The following EXOSC7 variants were observed in gnomAD, a reference collection of about 807,000 sequenced individuals.
EXOSC7 encodes exosome component 7, also known as exosome complex component RRP42.
A neutral mutation model predicts 34.3 loss-of-function variants in EXOSC7; 25 were observed. The observed-to-expected ratio is 0.73, with a 90% CI of 0.53 to 1.02. EXOSC7 has a LOEUF of 1.02. Ranked by LOEUF, EXOSC7 falls within the 50% of genes least tolerant of loss-of-function variation. The pLI is 0.00. For missense variants in EXOSC7, 370 were observed against 368.5 expected (o/e 1.00, Z -0.03); for synonymous variants, 130 against 143.0 (o/e 0.91, Z 0.65).
chr3:45,009,587 C>T (rs150806116), intron 7 of EXOSC7, among the ~76,000 whole-genome samples: 3,218 of 151,466 alleles, frequency 0.021, 65 homozygotes, highest in Middle Eastern at 0.075. Flanking sequence ...CTCACACTAT[C>T]GCCCAGGCTG....
At chr3:44,983,943 T>C (rs1447710355) in intron 1 of EXOSC7, among the ~76,000 whole-genome samples, 2 of 152,162 alleles carry the variant, frequency 1.3e-5, no homozygotes, top group African/African-American at 2.4e-5. Flanking sequence ...CCTCCTATCC[T>C]TTTTTTATAT....
intron 1 of EXOSC7, among the ~76,000 whole-genome samples, chr3:44,980,724 C>T (rs1706248999): frequency 6.6e-6 from 1 of 152,202 alleles, no homozygotes; most frequent in Non-Finnish European, 1.5e-5. Flanking sequence ...AGAGAAAGTT[C>T]TAATTGACAC....
At chr3:44,989,693 T>C (rs1335293551) in intron 3 of EXOSC7, 49 bp downstream of exon 3, 2 of 1,431,112 alleles carry the variant, frequency 1.4e-6, no homozygotes, top group Non-Finnish European at 1.9e-6. Context: ...ATTTTAAAGA[T>C]GAAGATTCAG....
intron 1 of EXOSC7, among the ~76,000 whole-genome samples, chr3:44,979,225 C>T (rs1035394561): frequency 2.0e-5 from 3 of 152,208 alleles, no homozygotes; most frequent in Non-Finnish European, 2.9e-5. Flanking sequence ...TCAACTGATT[C>T]AGTTCTGAAA....
intron 1 of EXOSC7, among the ~76,000 whole-genome samples, chr3:44,987,716 G>A (rs1415695515): frequency 6.6e-6 from 1 of 152,248 alleles, no homozygotes; most frequent in Non-Finnish European, 1.5e-5. Flanking sequence ...CACAAATACT[G>A]TGTGCTATTA....
At chr3:44,989,718 G>C in intron 3 of EXOSC7, 74 bp downstream of exon 3, 1 of 1,241,530 alleles carries the variant, frequency 8.1e-7, no homozygotes, top group Non-Finnish European at 1.1e-6. Flanking sequence ...TGAACCTCTG[G>C]TTTGCTGTTG....
At position 44,989,172 on chromosome 3, in the gene EXOSC7, G is replaced by C. The variant is rs1255259589; in HGVS notation, c.90G>C (p.Glu30Asp). Residue 30 changes from glutamate to aspartate, a missense_variant, in exon 2 of 8, where the codon GAG (glutamate) becomes GAC (aspartate). Around this residue, in one of 3 missense-constraint regions of EXOSC7, gnomAD observed 95 missense variants for 79.8 expected, o/e 1.19. Transcript: ENST00000265564. ...TCCGTGTGGATGGCCGTGGCTGTGA[G>C]GACTACCGATGTGTCGAAGTGGAAA... ...EDLRVDGRGC[E>D]DYRCVEVETD... is the part of the protein sequence containing the mutation. 6.2e-7 allele frequency: 1 copy of C among 1,614,008 alleles called. No individual in the cohort carries two copies. Among genetic ancestry groups the C allele is most frequent in the Non-Finnish European group, 8.5e-7 (1 of 1,180,018 alleles).
chr3:44,988,409 G>A (rs917016564), intron 1 of EXOSC7, among the ~76,000 whole-genome samples: 13 of 152,196 alleles, frequency 8.5e-5, no homozygotes, highest in Admixed American at 4.6e-4. Flanking sequence ...CAGGCAGCGC[G>A]TAGACCACCC....
chr3:45,001,472 G>A lies in EXOSC7; in HGVS notation c.421-66G>A, dbSNP rs1706876785. ...AAAAAAAAGCAGTGTCCTTTAACTG[G>A]GGTAATACCTAAAGTAATAAGTGAT... On this transcript the variant is annotated intron_variant, in intron 4 of 7. Coordinates refer to ENST00000265564, the MANE Select transcript of EXOSC7 (RefSeq NM_015004.4). The A allele has an allele frequency of 3.4e-6, 4 of 1,182,752 alleles. No homozygotes were observed. In the Admixed American group the frequency reaches 5.2e-5, roughly 15 times the overall value. 73.3% of individuals were successfully genotyped at this position (1,182,752 alleles called of 1,614,324 possible).
At chr3:45,010,291 A>G (rs7619693) in intron 7 of EXOSC7, among the ~76,000 whole-genome samples, 182 of 152,314 alleles carry the variant, frequency 1.2e-3, no homozygotes, top group African/African-American at 4.0e-3. Flanking sequence ...TCTGTTATCC[A>G]GGCTGGAGTA....
chr3:45,006,395 T>G (rs569279265), intron 6 of EXOSC7, among the ~76,000 whole-genome samples: 63 of 140,764 alleles, frequency 4.5e-4, no homozygotes, highest in Non-Finnish European at 7.3e-4. Context: ...TCTTTCTTGT[T>G]GTTTATTTGT....
chr3:44,991,892 C>T (rs772197012), intron 3 of EXOSC7, among the ~76,000 whole-genome samples: 1 of 152,112 alleles, frequency 6.6e-6, no homozygotes, highest in Non-Finnish European at 1.5e-5. Flanking sequence ...CAAAGTGGCA[C>T]ACTTTACCTT....
At chr3:45,005,134 G>A in intron 5 of EXOSC7, 157 bp from the exon 6 acceptor site, 2 of 795,322 alleles carry the variant, frequency 2.5e-6, no homozygotes, top group Non-Finnish European at 4.0e-6. Context: ...CCTCCTGTGT[G>A]CTTTTGACAG....
rs201393063 is a variant in EXOSC7, at chr3:44,997,262, A to G, written c.420+10A>G. On this transcript the variant is annotated intron_variant, in intron 4 of 7. Coordinates refer to ENST00000265564, the MANE Select transcript of EXOSC7 (RefSeq NM_015004.4). ...CTATGTGGATGTGCTGGTGAGTATC[A>G]TCGTGCTGTACTGGCCACATTCTAC... 336 of 1,613,196 alleles carry G rather than the reference A, an allele frequency of 2.1e-4. 4 individuals carry two copies. The highest frequency in any genetic ancestry group is 2.0e-3 in the African/African-American group (153 of 75,004).
intron 1 of EXOSC7, among the ~76,000 whole-genome samples, chr3:44,988,374 G>A (rs1205362253): frequency 6.6e-6 from 1 of 152,162 alleles, no homozygotes; most frequent in Non-Finnish European, 1.5e-5. Flanking sequence ...AGTAATTGAA[G>A]GAGTAAATAA....
chr3:44,999,355 G>A (rs1467502547), intron 4 of EXOSC7, among the ~76,000 whole-genome samples: 3 of 152,140 alleles, frequency 2.0e-5, no homozygotes, highest in South Asian at 2.1e-4. Context: ...TGTTTTAAGG[G>A]TTTTGCTTAT....
intron 1 of EXOSC7, among the ~76,000 whole-genome samples, chr3:44,981,316 A>G (rs1706263760): frequency 6.6e-6 from 1 of 152,134 alleles, no homozygotes; most frequent in Non-Finnish European, 1.5e-5. Context: ...ACCATTTACA[A>G]TAAGTGGTTT....
At chr3:44,998,726 A>G (rs1706795370) in intron 4 of EXOSC7, among the ~76,000 whole-genome samples, 1 of 152,250 alleles carries the variant, frequency 6.6e-6, no homozygotes, top group African/African-American at 2.4e-5. Context: ...GCTACCACTA[A>G]TAGGTAAAAA....
intron 1 of EXOSC7, among the ~76,000 whole-genome samples, chr3:44,987,611 T>C (rs1185671986): frequency 6.6e-6 from 1 of 152,186 alleles, no homozygotes; most frequent in Admixed American, 6.5e-5. Context: ...AAGTGAGTAA[T>C]GTAACCACAC....
Sources: gnomAD v4.1 joint callset for allele counts (sites outside exome capture counted in the v4.1 genomes callset) on GRCh38, gnomAD v4.1.1 for gene constraint, gnomAD v4.1.1 regional missense constraint, MANE v1.5 for transcripts, NCBI Gene and HGNC (gene_info 2026-07-23, HGNC 2026-07-21) for gene names.